Variants in KIF27 observed in about 807,000 individuals in gnomAD.
The protein encoded by KIF27 is kinesin family member 27.
Under a neutral mutation model 141.8 loss-of-function variants are expected in KIF27, and 84 were observed. That is an observed-to-expected ratio of 0.59 (90% CI 0.50 to 0.71). The LOEUF is 0.71. Among genes scored for constraint, KIF27 ranks in the 30% least tolerant of loss-of-function variants. The probability of loss-of-function intolerance (pLI) is 0.00; values close to 1 mark genes in which losing one functional copy is unlikely to be tolerated. For missense variants in KIF27, 1,306 were observed against 1,628.4 expected, an observed-to-expected ratio of 0.80 and a Z score of 3.41; for synonymous variants, 471 against 569.5, an observed-to-expected ratio of 0.83 and a Z score of 2.46.
Position 83,834,303 on chromosome 9 carries a change from C to T in KIF27, c.*2698G>A, listed in dbSNP as rs908514098. Among the ~76,000 whole-genome samples the T allele has an allele frequency of 9.9e-5, 15 of 151,932 alleles. No individual in the cohort carries two copies. Among genetic ancestry groups the T allele is most frequent in the African/African-American group, 3.4e-4 (14 of 41,396 alleles). On this transcript the variant is annotated 3_prime_UTR_variant, in exon 18 of 18. Transcript: ENST00000297814. ...CCTTGGGTAGGTGTCTAATTTTTTT[C>T]TTTCCTTTGTGAGAACACCGACTAA...
At position 83,899,812 on chromosome 9, in the gene KIF27, G is replaced by A; in HGVS notation, c.1459-8C>T. ...ATCAGCAGCAAGCACACACTAGTGG[G>A]GAAAGAAAGCACAAGTGACATTCAC... On this transcript the variant is annotated splice_polypyrimidine_tract_variant and splice_region_variant and intron_variant, in intron 4 of 17. Coordinates refer to ENST00000297814, the MANE Select transcript of KIF27 (RefSeq NM_017576.4). 6.3e-7 allele frequency: 1 copy of A among 1,594,784 alleles called. No homozygotes were observed. Among genetic ancestry groups the A allele is most frequent in the Non-Finnish European group, 8.6e-7 (1 of 1,168,974 alleles).
intron 2 of KIF27, among the ~76,000 whole-genome samples, chr9:83,912,840 A>G (rs1564012766): frequency 2.0e-5 from 3 of 152,122 alleles, no homozygotes; most frequent in South Asian, 2.1e-4. Flanking sequence ...AGGAAAATGA[A>G]TATTAGCTAA....
At position 83,905,045 on chromosome 9, in the gene KIF27, T is replaced by C. The variant is rs374520121; in HGVS notation, c.500-1027A>G. Among the ~76,000 whole-genome samples the C allele has an allele frequency of 3.1e-4, 47 of 152,268 alleles. No homozygotes were observed. In the East Asian group the frequency reaches 8.3e-3, roughly 27 times the overall value. On this transcript the variant is annotated intron_variant, in intron 3 of 17. Coordinates refer to ENST00000297814, the MANE Select transcript of KIF27 (RefSeq NM_017576.4). ...ATACTCAAAAAAGAAAAAAAAGTTT[T>C]TATTTCAATCGCAGAATGAACTAAA... is the stretch of plus-strand genomic sequence containing the variant.
intron 17 of KIF27, among the ~76,000 whole-genome samples, chr9:83,841,757 T>A (rs187206476): frequency 6.6e-6 from 1 of 152,322 alleles, no homozygotes; most frequent in African/African-American, 2.4e-5. Context: ...AATCTACATA[T>A]CTACATATGA....
intron 4 of KIF27, among the ~76,000 whole-genome samples, chr9:83,901,133 AT>A (rs1279092664): frequency 6.6e-6 from 1 of 151,930 alleles, no homozygotes; most frequent in Non-Finnish European, 1.5e-5. Context: ...TAGTTTTTTG[AT>A]TTTTTGTAGA....
intron 1 of KIF27, among the ~76,000 whole-genome samples, chr9:83,920,559 TA>T (rs907593472): frequency 1.8e-4 from 27 of 152,110 alleles, no homozygotes; most frequent in African/African-American, 6.0e-4. Flanking sequence ...GTGGTTGTCT[TA>T]AATGTGTGGT....
At chr9:83,866,956 C>G (rs1384718539) in intron 13 of KIF27, among the ~76,000 whole-genome samples, 2 of 149,914 alleles carry the variant, frequency 1.3e-5, no homozygotes, top group Non-Finnish European at 1.5e-5. Flanking sequence ...TCACCCCCCC[C>G]CCAAAAAAAG....
At chr9:83,848,147 T>TGATAGATATATCA (rs1947718838) in intron 16 of KIF27, among the ~76,000 whole-genome samples, 1 of 68,942 alleles carries the variant, frequency 1.5e-5, no homozygotes, top group Non-Finnish European at 2.5e-5. Context: ...ATGATATATC[T>TGATAGATATATCA]GATATATCAT....
intron 11 of KIF27, among the ~76,000 whole-genome samples, chr9:83,872,312 TCAAAA>T (rs764468111): frequency 1.3e-4 from 20 of 152,088 alleles, no homozygotes; most frequent in East Asian, 1.9e-4. Flanking sequence ...AGACTCCGTC[TCAAAA>T]CAAAACAAAA....
At chr9:83,905,670 A>G (rs967022971) in intron 3 of KIF27, among the ~76,000 whole-genome samples, 1 of 152,242 alleles carries the variant, frequency 6.6e-6, no homozygotes, top group African/African-American at 2.4e-5. Context: ...GTGTTAGGCT[A>G]TAAGTTAGCA....
chr9:83,878,447 T>C (rs1469602789), intron 11 of KIF27, among the ~76,000 whole-genome samples: 6 of 152,148 alleles, frequency 3.9e-5, no homozygotes, highest in Non-Finnish European at 8.8e-5. Context: ...GACTTATTTG[T>C]ATGCCAGTGT....
intron 11 of KIF27, among the ~76,000 whole-genome samples, chr9:83,872,101 A>G (rs922858937): frequency 6.6e-6 from 1 of 151,176 alleles, no homozygotes; most frequent in Non-Finnish European, 1.5e-5. Flanking sequence ...AGGCAGGCTG[A>G]TCACCTGAGG....
intron 11 of KIF27, among the ~76,000 whole-genome samples, chr9:83,874,595 A>G (rs1951059837): frequency 1.3e-5 from 2 of 152,138 alleles, no homozygotes; most frequent in African/African-American, 4.8e-5. Flanking sequence ...TCCCCCATAA[A>G]TGGGTCATTT....
chr9:83,873,874 C>A (rs1457273239), intron 11 of KIF27, among the ~76,000 whole-genome samples: 2 of 152,024 alleles, frequency 1.3e-5, no homozygotes, highest in Non-Finnish European at 2.9e-5. Flanking sequence ...ACCGTGAAAC[C>A]CTGTGTCTCT....
intron 9 of KIF27, among the ~76,000 whole-genome samples, chr9:83,885,568 C>T (rs1440470919): frequency 1.3e-5 from 2 of 152,084 alleles, no homozygotes; most frequent in African/African-American, 2.4e-5. Flanking sequence ...TTGGACTATT[C>T]ATTAATTGTT....
intron 2 of KIF27, among the ~76,000 whole-genome samples, chr9:83,913,943 A>C (rs10125715): frequency 4.6e-5 from 7 of 151,812 alleles, no homozygotes; most frequent in African/African-American, 1.5e-4. Flanking sequence ...TCTTTAATTT[A>C]AAAAAAGTAG....
chr9:83,864,448 G>A (rs1257279105), intron 13 of KIF27, among the ~76,000 whole-genome samples: 1 of 152,172 alleles, frequency 6.6e-6, no homozygotes, highest in Non-Finnish European at 1.5e-5. Context: ...AGTCATTCAG[G>A]AGCAGGTTGT....
chr9:83,853,855 C>G lies in KIF27; in HGVS notation c.3151-20G>C. 6.5e-7 allele frequency: 1 copy of G among 1,532,474 alleles called. No individual in the cohort carries two copies. The highest frequency in any genetic ancestry group is 9.0e-7 in the Non-Finnish European group (1 of 1,106,992). The allele number at this position is 1,532,474 out of a possible 1,614,324, so 94.9% of individuals were successfully genotyped here. A position where few individuals can be genotyped will look rare whatever the true frequency, so the allele number is the denominator to read the frequency against. On this transcript the variant is annotated intron_variant, in intron 14 of 17. Coordinates refer to ENST00000297814, the MANE Select transcript of KIF27 (RefSeq NM_017576.4). ...TTCTTCCTAGATATAACAGAAATCA[C>G]TCATTTTAAATGAAATAGTATAACT...
In KIF27 at chr9:83,904,001, C is replaced by T. The variant is rs765323788; in HGVS notation, c.517G>A (p.Glu173Lys). 67 of 1,601,366 alleles carry T rather than the reference C, an allele frequency of 4.2e-5. No individual in the cohort carries two copies. In the South Asian group the frequency reaches 5.7e-4, roughly 14 times the overall value. ...TCACCTGCACTCTCCACATGGCATT[C>T]CTTGGCCCCAACAATCACTTAAAAT... ...KGNTVIVGAK[E>K]CHVESAGEVM... Residue 173 changes from glutamate to lysine, a missense_variant, in exon 4 of 18, where the codon GAA becomes AAA. This residue lies in a region of KIF27 where 533 missense variants were observed against 565.6 expected (regional missense o/e 0.94). Transcript: ENST00000297814.
Sources: allele counts gnomAD v4.1 joint callset (sites outside exome capture counted in the v4.1 genomes callset), GRCh38; gene constraint gnomAD v4.1.1; regional missense constraint gnomAD v4.1.1; transcripts MANE v1.5; gene names NCBI Gene and HGNC (gene_info 2026-07-23, HGNC 2026-07-21).